Variants in HGF observed in about 807,000 individuals in gnomAD.
HGF encodes fibroblast-derived tumor cytotoxic factor.
Under a neutral mutation model 111.6 loss-of-function variants are expected in HGF, and 39 were observed. The observed-to-expected ratio is 0.35, with a 90% CI of 0.27 to 0.46. The LOEUF (loss-of-function observed/expected upper bound fraction) is 0.46. Among genes scored for constraint, HGF ranks in the 20% least tolerant of loss-of-function variants. HGF has a pLI of 1.00. For missense variants in HGF, 735 were observed against 910.5 expected (o/e 0.81, Z 2.48); for synonymous variants, 285 against 294.8 (o/e 0.97, Z 0.34).
intron 6 of HGF, among the ~76,000 whole-genome samples, chr7:81,744,446 T>G (rs1443549245): frequency 1.3e-5 from 2 of 152,130 alleles, no homozygotes; most frequent in Non-Finnish European, 2.9e-5. Flanking sequence ...CAAAGCAACC[T>G]GAATGGTTTG....
intron 4 of HGF, chr7:81,755,911 G>T (rs1392067293): frequency 4.5e-6 from 3 of 668,246 alleles, no homozygotes; most frequent in Non-Finnish European, 2.7e-6. Flanking sequence ...CAAGATCATA[G>T]GTTTAATCCC....
At chr7:81,759,915 G>T (rs1388457510) in intron 2 of HGF, among the ~76,000 whole-genome samples, 1 of 152,126 alleles carries the variant, frequency 6.6e-6, no homozygotes, top group African/African-American at 2.4e-5. Flanking sequence ...TTCACTAAAA[G>T]AACCTATTTA....
At chr7:81,726,154 T>C (rs892771485) in intron 8 of HGF, 137 bp from the exon 9 acceptor site, 110 of 813,712 alleles carry the variant, frequency 1.4e-4, no homozygotes, top group Admixed American at 2.1e-4. Flanking sequence ...AGAATAGCTA[T>C]AACAATTTAA....
intron 11 of HGF, among the ~76,000 whole-genome samples, 155 bp from the exon 12 acceptor site, chr7:81,711,674 C>T (rs1013224336): frequency 1.3e-5 from 2 of 152,108 alleles, no homozygotes; most frequent in Non-Finnish European, 2.9e-5. Context: ...GACAGAGTCT[C>T]ATTCTGTCAC....
chr7:81,720,990 A>G (rs1191993306), intron 9 of HGF, 143 bp from the exon 10 acceptor site: 6 of 629,644 alleles, frequency 9.5e-6, no homozygotes, highest in Non-Finnish European at 1.7e-5. Context: ...TCACGCCTGT[A>G]ATCCCAGCAC....
At chr7:81,738,885 A>G (rs371764778) in intron 7 of HGF, among the ~76,000 whole-genome samples, 11 of 151,556 alleles carry the variant, frequency 7.3e-5, no homozygotes, top group African/African-American at 2.6e-4. Flanking sequence ...TATTCAATGA[A>G]TGCTATGGAG....
intron 10 of HGF, 38 bp from the exon 11 acceptor site, chr7:81,717,403 C>G: frequency 6.3e-7 from 1 of 1,592,886 alleles, no homozygotes; most frequent in South Asian, 1.1e-5. Context: ...ACAAGATGCT[C>G]ATTCCATCCA....
Position 81,766,619 on chromosome 7 carries a change from TC to T in HGF, c.88+3264del, listed in dbSNP as rs1789369643. 3.3e-5 allele frequency among the ~76,000 whole-genome samples: 5 copies of T among 152,292 alleles called. No homozygotes were observed. The South Asian group carries it at 1.0e-3, about 32-fold the overall frequency. On this transcript the variant is annotated intron_variant, in intron 1 of 17. Coordinates refer to ENST00000222390, the MANE Select transcript of HGF (RefSeq NM_000601.6). ...TTTGAGAAGCTGCAGCATCATCTCT[TC>T]CAAGGGGATTTACAAAATGAAGTGA...
At chr7:81,750,140 T>C (rs1428202006) in intron 5 of HGF, among the ~76,000 whole-genome samples, 4 of 152,178 alleles carry the variant, frequency 2.6e-5, no homozygotes, top group Non-Finnish European at 5.9e-5. Context: ...ATTTTGTATA[T>C]TTTATATTAT....
chr7:81,723,828 A>G (rs1438261956), intron 9 of HGF, among the ~76,000 whole-genome samples: 1 of 151,092 alleles, frequency 6.6e-6, no homozygotes, highest in Non-Finnish European at 1.5e-5. Context: ...ACATATAGAT[A>G]TATATACACA....
At chr7:81,748,406 G>C (rs1253204730) in intron 5 of HGF, among the ~76,000 whole-genome samples, 1 of 152,136 alleles carries the variant, frequency 6.6e-6, no homozygotes, top group Non-Finnish European at 1.5e-5. Context: ...TTTTACCACG[G>C]AATCAAGCCA....
At chr7:81,753,525 C>T (rs999567044) in intron 4 of HGF, among the ~76,000 whole-genome samples, 18 of 151,928 alleles carry the variant, frequency 1.2e-4, no homozygotes, top group African/African-American at 4.3e-4. Context: ...AATAAACCAT[C>T]ATTTTTCATG....
chr7:81,744,484 A>T (rs1174174274), intron 6 of HGF, among the ~76,000 whole-genome samples: 1 of 152,108 alleles, frequency 6.6e-6, no homozygotes, highest in East Asian at 1.9e-4. Flanking sequence ...TATGACCACT[A>T]CTTATGTCAT....
chr7:81,742,572 A>T (rs765907258), intron 7 of HGF: 212 of 377,336 alleles, frequency 5.6e-4, no homozygotes, highest in Non-Finnish European at 7.8e-4. Flanking sequence ...GAAAAAAATT[A>T]GCCCTGTATT....
intron 5 of HGF, among the ~76,000 whole-genome samples, chr7:81,748,733 G>C (rs1343856627): frequency 6.6e-6 from 1 of 152,082 alleles, no homozygotes; most frequent in Non-Finnish European, 1.5e-5. Flanking sequence ...AAAACTCACA[G>C]AGTAATGGTT....
chr7:81,715,067 T>C (rs951700300), intron 11 of HGF, among the ~76,000 whole-genome samples: 5 of 152,122 alleles, frequency 3.3e-5, no homozygotes, highest in Non-Finnish European at 7.4e-5. Context: ...ATTAGAGTCC[T>C]GGCTCCCTTG....
intron 9 of HGF, among the ~76,000 whole-genome samples, chr7:81,724,604 T>C (rs1288940079): frequency 6.6e-6 from 1 of 152,218 alleles, no homozygotes; most frequent in Non-Finnish European, 1.5e-5. Context: ...CGTTCATGGG[T>C]ACATAGGTAG....
At position 81,705,691 on chromosome 7, in the gene HGF, G is replaced by A. The variant is rs1384023893; in HGVS notation, c.1820C>T (p.Pro607Leu). The A allele has an allele frequency of 3.1e-6, 5 of 1,612,568 alleles. No homozygotes were observed. Among genetic ancestry groups the A allele is most frequent in the East Asian group, 2.2e-5 (1 of 44,834 alleles). The change falls in exon 16 of 18, where the codon CCT (proline) becomes CTT (leucine). Residue 607 changes from proline to leucine, a missense_variant. By Grantham distance (98) the Pro-to-Leu change is moderately conservative. This residue lies in a region of HGF where 130 missense variants were observed against 129.9 expected (regional missense o/e 1.00). Transcript: ENST00000222390. ...ATAAACACTGCAACTGGTCTTTTCA[G>A]GAATTGTGCATCCATAATTAGGTAA... ...IDLPNYGCTI[P>L]EKTSCSVYGW...
chr7:81,725,862 G>GCC (rs1050109043), intron 9 of HGF, 28 bp downstream of exon 9: 10 of 1,613,120 alleles, frequency 6.2e-6, no homozygotes, highest in Non-Finnish European at 8.5e-6. Flanking sequence ...ATTTAATCAT[G>GCC]CCCACCCTGC....
Sources: allele counts gnomAD v4.1 joint callset (sites outside exome capture counted in the v4.1 genomes callset), GRCh38; gene constraint gnomAD v4.1.1; regional missense constraint gnomAD v4.1.1; transcripts MANE v1.5; gene names NCBI Gene and HGNC (gene_info 2026-07-23, HGNC 2026-07-21).